The following ZYG11B variants were observed in gnomAD, a reference collection of about 807,000 sequenced individuals.
ZYG11B encodes the protein zyg-11 family member B, cell cycle regulator.
In ZYG11B, 36 loss-of-function variants were observed where a neutral mutation model predicts 82.4. The ratio of observed to expected loss-of-function variants is 0.44; its 90% CI spans 0.33 to 0.58. ZYG11B has a LOEUF of 0.58. ZYG11B is among the 20% of genes least tolerant of loss of function. The probability of loss-of-function intolerance (pLI) is 0.02; values close to 1 mark genes in which losing one functional copy is unlikely to be tolerated. For synonymous variants in ZYG11B, 303 were observed against 312.8 expected (o/e 0.97, Z 0.33); for missense variants, 552 against 895.6 (o/e 0.62, Z 4.90).
chr1:52,728,121 CGTTCCT>C, intron 1 of ZYG11B, among the ~76,000 whole-genome samples: 1 of 152,264 alleles, frequency 6.6e-6, no homozygotes, highest in East Asian at 1.9e-4. Flanking sequence ...AGGTAGCAAC[CGTTCCT>C]TACTTATTAT....
At chr1:52,731,294 A>G (rs1644330378) in intron 1 of ZYG11B, among the ~76,000 whole-genome samples, 1 of 151,922 alleles carries the variant, frequency 6.6e-6, no homozygotes, top group East Asian at 1.9e-4. Context: ...GAAAAAAAAA[A>G]AAAAGAGTCC....
chr1:52,756,350 C>A lies in ZYG11B; in HGVS notation c.31-108C>A, dbSNP rs1644576459. 8.5e-6 allele frequency: 9 copies of A among 1,052,814 alleles called. No individual in the cohort carries two copies. The Admixed American group carries it at 1.1e-4, about 13-fold the overall frequency. 65.2% of individuals were successfully genotyped at this position (1,052,814 alleles called of 1,614,324 possible). A position where few individuals can be genotyped will look rare whatever the true frequency, so the allele number is the denominator to read the frequency against. On this transcript the variant is annotated intron_variant, in intron 1 of 13. Transcript: ENST00000294353. The stretch of plus-strand genomic sequence containing the variant: ...CACAGTGTCTAGCATATGATAGACA[C>A]TAAAGAAATACTTGTGAAATGAGTA...
chr1:52,765,052 CT>C (rs879681687), intron 2 of ZYG11B, among the ~76,000 whole-genome samples: 590 of 142,334 alleles, frequency 4.1e-3, no homozygotes, highest in Non-Finnish European at 3.8e-3. Flanking sequence ...TCTGAGTGAT[CT>C]TTTTTTTTTT....
At chr1:52,732,941 A>C (rs1046466619) in intron 1 of ZYG11B, among the ~76,000 whole-genome samples, 2 of 151,924 alleles carry the variant, frequency 1.3e-5, no homozygotes, top group Non-Finnish European at 2.9e-5. Flanking sequence ...GAGCCATTGC[A>C]CTCCAGCCTG....
At chr1:52,817,033 C>G (rs533267805) in intron 13 of ZYG11B, among the ~76,000 whole-genome samples, 12 of 152,030 alleles carry the variant, frequency 7.9e-5, no homozygotes, top group Non-Finnish European at 1.5e-4. Flanking sequence ...AACTCCTGAC[C>G]TCAGGTGATC....
At chr1:52,731,393 A>G (rs936058171) in intron 1 of ZYG11B, among the ~76,000 whole-genome samples, 3 of 152,208 alleles carry the variant, frequency 2.0e-5, no homozygotes, top group African/African-American at 7.2e-5. Flanking sequence ...TCTCCATTCA[A>G]GGAACTCAGG....
chr1:52,815,967 A>G (rs927081830), intron 12 of ZYG11B, among the ~76,000 whole-genome samples: 1 of 152,304 alleles, frequency 6.6e-6, no homozygotes, highest in South Asian at 2.1e-4. Flanking sequence ...ACAAAAATTA[A>G]GAAGTGCATA....
chr1:52,788,369 C>T (rs1644930804), intron 5 of ZYG11B, among the ~76,000 whole-genome samples: 2 of 152,154 alleles, frequency 1.3e-5, no homozygotes, highest in Admixed American at 1.3e-4. Flanking sequence ...TGCAGTAAGG[C>T]ATAGATTCAG....
rs1163507478 is a variant in ZYG11B, at chr1:52,822,727, T to G, written c.*1098T>G. 1.3e-5 allele frequency: 2 copies of G among 152,228 alleles called. No homozygotes were observed. Among genetic ancestry groups the G allele is most frequent in the Non-Finnish European group, 2.9e-5 (2 of 68,042 alleles). 9.4% of individuals were successfully genotyped at this position (152,228 alleles called of 1,614,324 possible). A position where few individuals can be genotyped will look rare whatever the true frequency, so the allele number is the denominator to read the frequency against. On this transcript the variant is annotated 3_prime_UTR_variant, in exon 14 of 14. Coordinates refer to ENST00000294353, the MANE Select transcript of ZYG11B (RefSeq NM_024646.3). ...GAAAATAATTAAACTCTTTAAATGATTAAATGTAATGATTCTACTCGCAGT... is the reference window on the plus strand; with the variant it reads ...GAAAATAATTAAACTCTTTAAATGAGTAAATGTAATGATTCTACTCGCAGT...
intron 12 of ZYG11B, among the ~76,000 whole-genome samples, chr1:52,815,348 A>G (rs1645214602): frequency 6.6e-6 from 1 of 152,078 alleles, no homozygotes; most frequent in Non-Finnish European, 1.5e-5. Flanking sequence ...CTAAAAAATA[A>G]AAAAACCTGG....
chr1:52,826,803 T>C lies in ZYG11B; in HGVS notation c.*5174T>C, dbSNP rs1328039029. 1 of 152,222 alleles carries C rather than the reference T, an allele frequency of 6.6e-6. No individual in the cohort carries two copies. The highest frequency in any genetic ancestry group is 2.4e-5 in the African/African-American group (1 of 41,462). The allele number at this position is 152,222 out of a possible 1,614,324, so 9.4% of individuals were successfully genotyped here. A position where few individuals can be genotyped will look rare whatever the true frequency, so the allele number is the denominator to read the frequency against. The stretch of plus-strand genomic sequence containing the variant: ...ATTATTTTGTGGGAAATCATCAATC[T>C]ATTTTATTAATGTTATGTGTTTAAT... On this transcript the variant is annotated 3_prime_UTR_variant, in exon 14 of 14. Coordinates refer to ENST00000294353, the MANE Select transcript of ZYG11B (RefSeq NM_024646.3).
At chr1:52,748,842 T>C (rs1352276128) in intron 1 of ZYG11B, among the ~76,000 whole-genome samples, 2 of 140,062 alleles carry the variant, frequency 1.4e-5, no homozygotes, top group Admixed American at 7.5e-5. Flanking sequence ...GTGGAGGTTG[T>C]GGTGAGCCAA....
chr1:52,800,451 TG>T, intron 8 of ZYG11B, among the ~76,000 whole-genome samples: 1 of 152,248 alleles, frequency 6.6e-6, no homozygotes, highest in East Asian at 1.9e-4. Context: ...TCAGTAATTT[TG>T]GTATCTTCAA....
intron 2 of ZYG11B, among the ~76,000 whole-genome samples, chr1:52,767,171 TTATTTTG>T (rs1354138284): frequency 7.7e-4 from 99 of 129,242 alleles, no homozygotes; most frequent in African/African-American, 2.4e-3. Context: ...TTATGTTATG[TTATTTTG>T]TTACGTTATG....
Position 52,825,285 on chromosome 1 carries a change from G to T in ZYG11B, c.*3656G>T, listed in dbSNP as rs1352421010. The stretch of plus-strand genomic sequence containing the variant: ...AACTAATTAATAAAATAAATCAAGT[G>T]GTATAAGGGATTAGTTTACCCTCAA... On this transcript the variant is annotated 3_prime_UTR_variant, in exon 14 of 14. Coordinates refer to ENST00000294353, the MANE Select transcript of ZYG11B (RefSeq NM_024646.3). 1 of 151,898 alleles carries T rather than the reference G, an allele frequency of 6.6e-6. No homozygotes were observed. 9.4% of individuals were successfully genotyped at this position (151,898 alleles called of 1,614,324 possible). A position where few individuals can be genotyped will look rare whatever the true frequency, so the allele number is the denominator to read the frequency against.
At chr1:52,785,146 A>C in intron 5 of ZYG11B, 93 bp downstream of exon 5, 1 of 1,365,454 alleles carries the variant, frequency 7.3e-7, no homozygotes, top group Non-Finnish European at 9.9e-7. Flanking sequence ...CTGGAAATTC[A>C]AATGCCTTTG....
chr1:52,745,026 T>C (rs756037560), intron 1 of ZYG11B, among the ~76,000 whole-genome samples: 27 of 152,222 alleles, frequency 1.8e-4, no homozygotes, highest in Admixed American at 5.2e-4. Flanking sequence ...AGGATATTTT[T>C]TCTTATAATT....
chr1:52,780,025 G>A, intron 4 of ZYG11B, 32 bp downstream of exon 4: 1 of 1,599,792 alleles, frequency 6.3e-7, no homozygotes, highest in Non-Finnish European at 8.5e-7. Flanking sequence ...TGAAATTTTT[G>A]AAATGATCTC....
At chr1:52,756,689 C>T (rs1644579882) in intron 2 of ZYG11B, 66 bp downstream of exon 2, 2 of 1,464,310 alleles carry the variant, frequency 1.4e-6, no homozygotes, top group Non-Finnish European at 1.9e-6. Context: ...TGAAGTGCTA[C>T]AGTAGCCATT....
Sources: allele counts gnomAD v4.1 joint callset (sites outside exome capture counted in the v4.1 genomes callset), GRCh38; gene constraint gnomAD v4.1.1; transcripts MANE v1.5; gene names NCBI Gene and HGNC (gene_info 2026-07-23, HGNC 2026-07-21).